The following DOCK2 variants were observed in gnomAD, a reference collection of about 807,000 sequenced individuals.
DOCK2 encodes the protein dedicator of cytokinesis 2, also known as dedicator of cytokinesis protein 2.
Under a neutral mutation model 248.9 loss-of-function variants are expected in DOCK2, and 87 were observed. That is an observed-to-expected ratio of 0.35 (90% CI 0.29 to 0.42). The LOEUF is 0.42. DOCK2 is among the 10% of genes least tolerant of loss of function. The pLI is 1.00. For synonymous variants in DOCK2, 805 were observed against 821.6 expected (o/e 0.98, Z 0.35); for missense variants, 1,747 against 2,300.2 (o/e 0.76, Z 4.92).
At chr5:169,858,138 C>T (rs569657404) in intron 27 of DOCK2, among the ~76,000 whole-genome samples, 29 of 152,216 alleles carry the variant, frequency 1.9e-4, no homozygotes, top group Middle Eastern at 3.4e-3. Flanking sequence ...TATTTAAACC[C>T]CATGGTGGTA....
intron 27 of DOCK2, among the ~76,000 whole-genome samples, chr5:169,978,405 G>GGGGGGGGGGGGGGGGTT (rs1777809622): frequency 1.1e-5 from 1 of 95,018 alleles, no homozygotes; most frequent in African/African-American, 3.6e-5. Flanking sequence ...GGGGGGGGGG[G>GGGGGGGGGGGGGGGGTT]TGTAGGTGTG....
intron 25 of DOCK2, chr5:169,773,026 G>A (rs939082537): frequency 2.0e-5 from 3 of 152,182 alleles, no homozygotes; most frequent in African/African-American, 7.2e-5. Flanking sequence ...TTCAAGTGAG[G>A]AGCCCACTTT....
At chr5:169,814,355 T>G (rs174411) in intron 26 of DOCK2, among the ~76,000 whole-genome samples, 73,782 of 152,002 alleles carry the variant, frequency 0.49, 19,221 homozygotes, top group African/African-American at 0.69. Flanking sequence ...TAACTGAGGA[T>G]TGAAAAATAC....
intron 22 of DOCK2, among the ~76,000 whole-genome samples, chr5:169,728,528 G>A (rs528856274): frequency 6.6e-6 from 1 of 152,146 alleles, no homozygotes; most frequent in Non-Finnish European, 1.5e-5. Context: ...TTCAAGGAGG[G>A]AGTGTCGGCA....
chr5:169,744,679 A>G (rs774181594), intron 22 of DOCK2, among the ~76,000 whole-genome samples: 13 of 152,292 alleles, frequency 8.5e-5, no homozygotes, highest in Non-Finnish European at 1.5e-4. Context: ...TCTCTTCAGC[A>G]GGAGCTCATG....
chr5:169,917,806 A>G (rs1185299845), intron 27 of DOCK2, among the ~76,000 whole-genome samples: 1 of 152,208 alleles, frequency 6.6e-6, no homozygotes, highest in Non-Finnish European at 1.5e-5. Context: ...CTTGCAGTGG[A>G]GAGATAAGAC....
chr5:169,841,527 A>G (rs1033542785), intron 27 of DOCK2: 13 of 880,946 alleles, frequency 1.5e-5, no homozygotes, highest in Non-Finnish European at 1.8e-5. Context: ...CTCTGCTGAA[A>G]CCTGCCAATG....
chr5:170,030,685 A>T (rs116213385), intron 34 of DOCK2, among the ~76,000 whole-genome samples: 2,190 of 152,336 alleles, frequency 0.014, 24 homozygotes, highest in Non-Finnish European at 0.021. Flanking sequence ...TCACATTTTC[A>T]CATAGAGGAC....
intron 26 of DOCK2, among the ~76,000 whole-genome samples, chr5:169,834,600 A>G: frequency 9.3e-6 from 1 of 107,682 alleles, no homozygotes. Flanking sequence ...ATGCTCAGTC[A>G]GTGCTCTCCA....
chr5:169,677,242 A>C, intron 6 of DOCK2, among the ~76,000 whole-genome samples: 1 of 152,114 alleles, frequency 6.6e-6, no homozygotes, highest in Non-Finnish European at 1.5e-5. Context: ...ACTCCCTAAC[A>C]ATAGGAGCTA....
chr5:169,765,525 T>C (rs748143658), intron 25 of DOCK2, among the ~76,000 whole-genome samples: 5 of 152,256 alleles, frequency 3.3e-5, no homozygotes, highest in Non-Finnish European at 5.9e-5. Flanking sequence ...GCAAACCCTC[T>C]GTGCCTTTGA....
chr5:169,954,166 TA>T (rs1302420842), intron 27 of DOCK2, among the ~76,000 whole-genome samples: 1 of 152,242 alleles, frequency 6.6e-6, no homozygotes, highest in African/African-American at 2.4e-5. Context: ...GTAGTATGTT[TA>T]AAAGAGGTTT....
intron 25 of DOCK2, among the ~76,000 whole-genome samples, chr5:169,773,348 T>A (rs1765202290): frequency 6.6e-6 from 1 of 152,114 alleles, no homozygotes; most frequent in Admixed American, 6.5e-5. Context: ...ATACTTAGAA[T>A]AGCAGCTTTC....
intron 39 of DOCK2, among the ~76,000 whole-genome samples, chr5:170,046,733 A>G (rs1756726568): frequency 1.3e-5 from 2 of 152,012 alleles, no homozygotes; most frequent in Non-Finnish European, 2.9e-5. Context: ...CTCCACATAG[A>G]TGTTTGCCAA....
intron 40 of DOCK2, among the ~76,000 whole-genome samples, chr5:170,049,603 T>C (rs1013227435): frequency 2.6e-5 from 4 of 152,242 alleles, no homozygotes; most frequent in Non-Finnish European, 4.4e-5. Context: ...ATTTTGGGCC[T>C]GAAAATTCTT....
intron 27 of DOCK2, among the ~76,000 whole-genome samples, chr5:169,856,269 A>T (rs778290553): frequency 6.6e-6 from 1 of 152,224 alleles, no homozygotes; most frequent in Non-Finnish European, 1.5e-5. Context: ...AATCAGAAAA[A>T]GACACCTGCT....
chr5:169,711,060 T>C (rs1761556128), intron 15 of DOCK2, among the ~76,000 whole-genome samples: 1 of 152,240 alleles, frequency 6.6e-6, no homozygotes. Context: ...AGACCCTCAG[T>C]TCCTTTGCTC....
chr5:169,655,022 C>T (rs1474660947), intron 2 of DOCK2, among the ~76,000 whole-genome samples: 1 of 152,218 alleles, frequency 6.6e-6, no homozygotes, highest in African/African-American at 2.4e-5. Flanking sequence ...CAGGTGTCTA[C>T]TGGGCTGCGT....
intron 27 of DOCK2, among the ~76,000 whole-genome samples, chr5:169,897,294 C>T (rs1301405299): frequency 2.0e-5 from 3 of 152,170 alleles, no homozygotes; most frequent in South Asian, 2.1e-4. Context: ...AAGCAATTCT[C>T]GTGCCTCAGC....
Sources: gnomAD v4.1 joint callset for allele counts (sites outside exome capture counted in the v4.1 genomes callset) on GRCh38, gnomAD v4.1.1 for gene constraint, MANE v1.5 for transcripts, NCBI Gene and HGNC (gene_info 2026-07-23, HGNC 2026-07-21) for gene names.